KIF18B: variants seen among roughly 807,000 people sequenced by gnomAD.
KIF18B encodes the protein kinesin family member 18B.
In KIF18B, 49 loss-of-function variants were observed where a neutral mutation model predicts 80.9. The observed-to-expected ratio is 0.61, with a 90% confidence interval of 0.48 to 0.77. The LOEUF is 0.77. KIF18B is among the 30% of genes least tolerant of loss of function. The probability of loss-of-function intolerance (pLI) is 0.00; values close to 1 mark genes in which losing one functional copy is unlikely to be tolerated. For synonymous variants in KIF18B, 439 were observed against 463.9 expected (o/e 0.95, Z 0.69); for missense variants, 994 against 1,127.7 (o/e 0.88, Z 1.70).
intron 1 of KIF18B, among the ~76,000 whole-genome samples, chr17:44,943,406 G>A (rs990170528): frequency 6.6e-6 from 1 of 151,920 alleles, no homozygotes; most frequent in Non-Finnish European, 1.5e-5. Flanking sequence ...GGCCTCTTTT[G>A]TTTTTTTAAA....
At chr17:44,942,312 C>T (rs369875992) in intron 1 of KIF18B, among the ~76,000 whole-genome samples, 244 of 152,306 alleles carry the variant, frequency 1.6e-3, no homozygotes, top group African/African-American at 5.6e-3. Flanking sequence ...CATTAAAACC[C>T]AGAGGCTAGT....
intron 1 of KIF18B, among the ~76,000 whole-genome samples, chr17:44,938,013 CACACAT>C (rs772109000): frequency 9.6e-5 from 13 of 135,500 alleles, no homozygotes; most frequent in Admixed American, 4.2e-4. Context: ...CACACACACA[CACACAT>C]ATATATTTTT....
At position 44,932,203 on chromosome 17, in the gene KIF18B, CTGG is replaced by C; in HGVS notation, c.1239_1241del (p.His413del). 6.3e-7 allele frequency: 1 copy of C among 1,590,856 alleles called. No individual in the cohort carries two copies. The highest frequency in any genetic ancestry group is 8.6e-7 in the Non-Finnish European group (1 of 1,166,494). On this transcript the variant is annotated inframe_deletion and splice_region_variant, in exon 10 of 16. Coordinates refer to ENST00000593135, the MANE Select transcript of KIF18B (RefSeq NM_001265577.2). ...CTGCAGGGAGCTCTGGGGTGCAGGG[CTGG>C]CTGGGAGGGTGGGGTGGCAAGGGGG...
chr17:44,934,685 G>T lies in KIF18B; in HGVS notation c.577-68C>A. On this transcript the variant is annotated intron_variant, in intron 4 of 15. Coordinates refer to ENST00000593135, the MANE Select transcript of KIF18B (RefSeq NM_001265577.2). The surrounding 1 kb of genome is among the most constrained non-coding windows in gnomAD (Gnocchi z 5.4). Reference sequence around the variant, plus strand: ...TCAGGACTTTTCCCCTAACAGGAAGGGCTGCTCTTCAGAATCTACATCACC... The same window carrying T: ...TCAGGACTTTTCCCCTAACAGGAAGTGCTGCTCTTCAGAATCTACATCACC... 7.2e-7 allele frequency: 1 copy of T among 1,385,752 alleles called. No individual in the cohort carries two copies. The highest frequency in any genetic ancestry group is 9.8e-7 in the Non-Finnish European group (1 of 1,019,456). The allele number at this position is 1,385,752 out of a possible 1,614,324, so 85.8% of individuals were successfully genotyped here.
At position 44,928,903 on chromosome 17, in the gene KIF18B, T is replaced by C. The variant is rs1227593092; in HGVS notation, c.1639A>G (p.Lys547Glu). The change falls in exon 12 of 16, where the codon AAA becomes GAA. Residue 547 changes from lysine to glutamate, a missense_variant. Physicochemically the swap from Lys to Glu is moderately conservative, Grantham distance 56 (BLOSUM62 1). Transcript: ENST00000593135. ...ETLQQLVQEE[K>E]IEPGAEALRT... ...AAGGCCTCTGCCCCAGGCTCAATTT[T>C]TTCCTCTTGCACCAGCTGCTGTAGG... is the stretch of plus-strand genomic sequence containing the variant. The C allele has an allele frequency of 6.2e-7, 1 of 1,613,954 alleles. No individual in the cohort carries two copies. Among genetic ancestry groups the C allele is most frequent in the African/African-American group, 1.3e-5 (1 of 75,032 alleles).
intron 11 of KIF18B, among the ~76,000 whole-genome samples, chr17:44,929,415 C>T (rs895675234): frequency 7.2e-5 from 11 of 152,184 alleles, no homozygotes; most frequent in African/African-American, 2.7e-4. Flanking sequence ...ACCCTAAGGG[C>T]AGTGCAAAGG....
At chr17:44,947,463 A>C (rs1190616181) in intron 1 of KIF18B, among the ~76,000 whole-genome samples, 165 bp downstream of exon 1, 3 of 152,246 alleles carry the variant, frequency 2.0e-5, no homozygotes, top group Non-Finnish European at 4.4e-5. Context: ...CCATGCAGAC[A>C]GAGCCTGCCG....
Position 44,928,991 on chromosome 17 carries a change from C to A in KIF18B, c.1551G>T (p.Arg517=), listed in dbSNP as rs754729490. Residue 517 remains arginine (R), a synonymous_variant, in exon 12 of 16, where the codon CGG becomes CGT. Transcript: ENST00000593135. Reference sequence around the variant, plus strand: ...TGGCTGCTTGGAGCAGGGAGTACTGCCGCTGGGCAACGCACAGCACCTTTA... The same window carrying A: ...TGGCTGCTTGGAGCAGGGAGTACTGACGCTGGGCAACGCACAGCACCTTTA... ...LALKVLCVAQ[R]QYSLLQAANL... 10 of 1,614,022 alleles carry A rather than the reference C, an allele frequency of 6.2e-6. No individual in the cohort carries two copies. Among genetic ancestry groups the A allele is most frequent in the Non-Finnish European group, 8.5e-6 (10 of 1,179,890 alleles).
At chr17:44,928,726 C>G (rs746703063) in intron 12 of KIF18B, 93 bp downstream of exon 12, 1 of 1,434,224 alleles carries the variant, frequency 7.0e-7, no homozygotes, top group Non-Finnish European at 9.4e-7. Context: ...CAGCAAAACC[C>G]AGCAACTGAG....
At chr17:44,929,782 T>C (rs961411944) in intron 11 of KIF18B, among the ~76,000 whole-genome samples, 1 of 152,232 alleles carries the variant, frequency 6.6e-6, no homozygotes, top group Admixed American at 6.5e-5. Context: ...ATTCCGTCTA[T>C]GCTTTCTATT....
intron 1 of KIF18B, among the ~76,000 whole-genome samples, chr17:44,941,716 C>A (rs56726647): frequency 0.052 from 7,946 of 152,210 alleles, 220 homozygotes; most frequent in Admixed American, 0.079. Flanking sequence ...CTTTGGCACC[C>A]GGGGAAGGGA....
chr17:44,943,733 G>A (rs1423221899), intron 1 of KIF18B, among the ~76,000 whole-genome samples: 1 of 151,832 alleles, frequency 6.6e-6, no homozygotes, highest in Non-Finnish European at 1.5e-5. Flanking sequence ...TTTTAGACCA[G>A]GTCTCATGTT....
rs57955845 is a variant in KIF18B, at chr17:44,947,113, C to CAAAAAAAAAAAAAA, written c.-15+501_-15+514dup. On this transcript the variant is annotated intron_variant, in intron 1 of 15. Coordinates refer to ENST00000593135, the MANE Select transcript of KIF18B (RefSeq NM_001265577.2). ...GACAGAGAGAGAGAGACTCCATCTC[C>CAAAAAAAAAAAAAA]AAAAAAAAAAAAAAAAAAAAAAAAA... Among the ~76,000 whole-genome samples the CAAAAAAAAAAAAAA allele has an allele frequency of 1.4e-3, 77 of 54,010 alleles. 1 individual carries two copies. Among genetic ancestry groups the CAAAAAAAAAAAAAA allele is most frequent in the African/African-American group, 3.8e-3 (59 of 15,388 alleles). The allele number at this position is 54,010 out of a possible 152,430, so 35.4% of individuals were successfully genotyped here. A position where few individuals can be genotyped will look rare whatever the true frequency, so the allele number is the denominator to read the frequency against.
intron 11 of KIF18B, among the ~76,000 whole-genome samples, chr17:44,930,575 A>G (rs879877193): frequency 5.9e-5 from 9 of 152,232 alleles, no homozygotes; most frequent in Non-Finnish European, 1.2e-4. Flanking sequence ...GTTTCCAAAC[A>G]TGGAGATTTG....
intron 1 of KIF18B, among the ~76,000 whole-genome samples, chr17:44,946,591 A>G (rs1037997230): frequency 6.6e-6 from 1 of 152,238 alleles, no homozygotes; most frequent in Non-Finnish European, 1.5e-5. Context: ...GTAAGTGCTC[A>G]ATAGATATTA....
chr17:44,936,617 TATATATA>T lies in KIF18B; in HGVS notation c.-14-266_-14-260del, dbSNP rs1222364081. ...CTCTCTCTATATATATATATATATATATATATATTTTTTTTTTTTTTTTTTTTTTTTT... is the reference window on the plus strand; with the variant it reads ...CTCTCTCTATATATATATATATATATTTTTTTTTTTTTTTTTTTTTTTTTT... On this transcript the variant is annotated intron_variant, in intron 1 of 15. Transcript: ENST00000593135. Among the ~76,000 whole-genome samples the T allele has an allele frequency of 1.4e-3, 120 of 86,240 alleles. 3 individuals are homozygous for T. Among genetic ancestry groups the T allele is most frequent in the African/African-American group, 3.5e-3 (74 of 20,898 alleles). 56.6% of individuals were successfully genotyped at this position (86,240 alleles called of 152,430 possible). A position where few individuals can be genotyped will look rare whatever the true frequency, so the allele number is the denominator to read the frequency against.
At chr17:44,933,101 C>T (rs997545879) in intron 7 of KIF18B, 115 bp from the exon 8 acceptor site, 10 of 876,470 alleles carry the variant, frequency 1.1e-5, no homozygotes, top group South Asian at 3.3e-5. Context: ...GACCCACCCT[C>T]GCAAGTGGGG....
In KIF18B at chr17:44,928,784, T is replaced by C. The variant is rs1226966584; in HGVS notation, c.1723+35A>G. ...CAGTGGGGCCTTGAAGACAGCACCT[T>C]GAAGACAGGCAGGGGAGAGCAGGAT... On this transcript the variant is annotated intron_variant, in intron 12 of 15. Coordinates refer to ENST00000593135, the MANE Select transcript of KIF18B (RefSeq NM_001265577.2). 2.5e-6 allele frequency: 4 copies of C among 1,601,672 alleles called. No homozygotes were observed. In the African/African-American group the frequency reaches 5.4e-5, roughly 21 times the overall value.
At chr17:44,932,390 G>T (rs944737525) in intron 9 of KIF18B, 184 bp from the exon 10 acceptor site, 6 of 652,042 alleles carry the variant, frequency 9.2e-6, no homozygotes, top group Non-Finnish European at 1.5e-5. Flanking sequence ...AGGGTAGGAG[G>T]AGTCAGGGAT....
Sources: allele counts gnomAD v4.1 joint callset (sites outside exome capture counted in the v4.1 genomes callset), GRCh38; gene constraint gnomAD v4.1.1; non-coding constraint Gnocchi (gnomAD v3.1); transcripts MANE v1.5; gene names NCBI Gene and HGNC (gene_info 2026-07-23, HGNC 2026-07-21).